ABCB5: variants seen among roughly 807,000 people sequenced by gnomAD.
ABCB5 encodes ATP binding cassette subfamily B member 5, also known as ATP-binding cassette sub-family B member 5.
ABCB5 carries 155 observed loss-of-function variants against 144.2 expected under a neutral mutation model. That is an observed-to-expected ratio of 1.08 (90% confidence interval 0.94 to 1.23). The LOEUF (loss-of-function observed/expected upper bound fraction) is 1.23, where lower values mean the gene tolerates loss of function less well. Among genes scored for constraint, ABCB5 ranks in the 50% most tolerant of loss-of-function variants. ABCB5 has a pLI of 0.00. For missense variants in ABCB5, 1,830 were observed against 1,520.8 expected (o/e 1.20, Z -3.38); for synonymous variants, 610 against 528.6 (o/e 1.15, Z -2.11).
At chr7:20,668,612 G>A (rs1326375238) in intron 14 of ABCB5, among the ~76,000 whole-genome samples, 6 of 134,508 alleles carry the variant, frequency 4.5e-5, no homozygotes, top group African/African-American at 1.4e-4. Flanking sequence ...TCAGCCCCCC[G>A]CCCGGCCAGC....
At chr7:20,717,051 G>A (rs918861811) in intron 20 of ABCB5, among the ~76,000 whole-genome samples, 1 of 152,196 alleles carries the variant, frequency 6.6e-6, no homozygotes, top group Middle Eastern at 3.4e-3. Flanking sequence ...CTTCCCATCT[G>A]GAGCTTGAGA....
chr7:20,673,726 CT>C (rs1299386291), intron 14 of ABCB5, among the ~76,000 whole-genome samples: 1 of 151,924 alleles, frequency 6.6e-6, no homozygotes, highest in Non-Finnish European at 1.5e-5. Flanking sequence ...AAATCTCTGA[CT>C]TTTAATTGGA....
intron 14 of ABCB5, among the ~76,000 whole-genome samples, chr7:20,679,262 G>A: frequency 6.6e-6 from 1 of 152,018 alleles, no homozygotes; most frequent in Non-Finnish European, 1.5e-5. Context: ...GAGATCAGGA[G>A]TTCAAGATCA....
intron 14 of ABCB5, among the ~76,000 whole-genome samples, chr7:20,670,547 C>A (rs1785432257): frequency 6.6e-6 from 1 of 152,178 alleles, no homozygotes; most frequent in Admixed American, 6.5e-5. Context: ...TTATACCATT[C>A]ATAAGGGTGT....
At chr7:20,666,402 G>A (rs753724412) in intron 14 of ABCB5, among the ~76,000 whole-genome samples, 2 of 152,120 alleles carry the variant, frequency 1.3e-5, no homozygotes, top group Admixed American at 6.5e-5. Flanking sequence ...AATGCTTGAG[G>A]CTTTGTATTA....
At chr7:20,683,105 A>G in intron 15 of ABCB5, among the ~76,000 whole-genome samples, 1 of 149,756 alleles carries the variant, frequency 6.7e-6, no homozygotes. Flanking sequence ...TATTTTATAA[A>G]TTAGGAAATT....
At chr7:20,652,249 C>A (rs142516934) in intron 13 of ABCB5, among the ~76,000 whole-genome samples, 3 of 152,218 alleles carry the variant, frequency 2.0e-5, no homozygotes, top group Non-Finnish European at 4.4e-5. Flanking sequence ...TTTTTTAAAG[C>A]ACAGGAAGCT....
chr7:20,696,126 C>A (rs867344164), intron 16 of ABCB5, among the ~76,000 whole-genome samples: 6 of 152,042 alleles, frequency 3.9e-5, no homozygotes, highest in African/African-American at 1.2e-4. Context: ...ATGTTCATAG[C>A]AGTTTTATGT....
rs186798031 is a variant in ABCB5, at chr7:20,616,087, G to T, written c.-22+250G>T. Among the ~76,000 whole-genome samples the T allele has an allele frequency of 3.0e-3, 462 of 152,308 alleles. 11 individuals carry two copies. The highest frequency in any genetic ancestry group is 0.028 in the Admixed American group (425 of 15,302). On this transcript the variant is annotated intron_variant, in intron 1 of 27. Transcript: ENST00000404938. ...GTCTCACTCTGTCACCCAGGCTGGA[G>T]TGCAGTGGCACGATGTTGGCTCACT...
chr7:20,685,750 A>G lies in ABCB5; in HGVS notation c.1924A>G (p.Lys642Glu), dbSNP rs1285232389. 6.2e-7 allele frequency: 1 copy of G among 1,613,536 alleles called. No homozygotes were observed. The highest frequency in any genetic ancestry group is 8.5e-7 in the Non-Finnish European group (1 of 1,179,660). The change falls in exon 16 of 28, where the codon AAG becomes GAG. Residue 642 changes from lysine (K) to glutamate (E), a missense_variant. Transcript: ENST00000404938. Reference protein sequence around the residue: ...MESMTYSTERKTNSLPLHSVK... With the variant: ...MESMTYSTERETNSLPLHSVK... ...GTCAATGACATATTCTACTGAAAGA[A>G]AGACCAACTCACTTCCTCTGCACTC...
At chr7:20,716,822 G>A (rs573009079) in intron 20 of ABCB5, among the ~76,000 whole-genome samples, 2 of 152,224 alleles carry the variant, frequency 1.3e-5, no homozygotes, top group South Asian at 4.1e-4. Flanking sequence ...AAGCAAAGTG[G>A]GTGAGGGCTG....
chr7:20,700,651 T>C (rs959475232), intron 19 of ABCB5, among the ~76,000 whole-genome samples: 3 of 152,222 alleles, frequency 2.0e-5, no homozygotes, highest in African/African-American at 7.2e-5. Flanking sequence ...CTCACGCAGA[T>C]GATCAGTCCC....
intron 14 of ABCB5, among the ~76,000 whole-genome samples, chr7:20,670,144 A>T (rs1215855954): frequency 6.6e-6 from 1 of 152,246 alleles, no homozygotes; most frequent in Non-Finnish European, 1.5e-5. Context: ...AGGCGACATG[A>T]TGACAAAATG....
At position 20,632,121 on chromosome 7, in the gene ABCB5, CA is replaced by C; in HGVS notation, c.314+11del. 1.3e-6 allele frequency: 2 copies of C among 1,495,026 alleles called. No homozygotes were observed. The highest frequency in any genetic ancestry group is 1.3e-5 in the South Asian group (1 of 76,260). 92.6% of individuals were successfully genotyped at this position (1,495,026 alleles called of 1,614,324 possible). On this transcript the variant is annotated intron_variant, in intron 5 of 27. Coordinates refer to ENST00000404938, the MANE Select transcript of ABCB5 (RefSeq NM_001163941.2). The stretch of plus-strand genomic sequence containing the variant: ...GAATGAAGATATGACTCTGTAAGTC[CA>C]AATGAAACGTTAATATCACATTCGT...
At chr7:20,630,176 T>C (rs78815065) in intron 4 of ABCB5, among the ~76,000 whole-genome samples, 4,577 of 152,232 alleles carry the variant, frequency 0.03, 238 homozygotes, top group African/African-American at 0.1. Context: ...AGTAATTTCC[T>C]GATTTTATAT....
intron 13 of ABCB5, among the ~76,000 whole-genome samples, chr7:20,657,705 G>C (rs986143325): frequency 2.6e-5 from 4 of 152,110 alleles, no homozygotes; most frequent in South Asian, 2.1e-4. Flanking sequence ...GGTAACATGG[G>C]TGTACTCATT....
At chr7:20,671,874 T>A (rs1372002318) in intron 14 of ABCB5, among the ~76,000 whole-genome samples, 1 of 152,244 alleles carries the variant, frequency 6.6e-6, no homozygotes, top group Non-Finnish European at 1.5e-5. Flanking sequence ...ATGGTAGGTA[T>A]ACTTTTTACT....
intron 15 of ABCB5, among the ~76,000 whole-genome samples, chr7:20,682,483 A>G (rs1388324108): frequency 6.6e-6 from 1 of 152,202 alleles, no homozygotes; most frequent in Admixed American, 6.5e-5. Flanking sequence ...GGACAAATTC[A>G]GGTAGGCAGA....
chr7:20,704,674 A>G, intron 19 of ABCB5, 50 bp from the exon 20 acceptor site: 1 of 1,486,704 alleles, frequency 6.7e-7, no homozygotes, highest in Non-Finnish European at 9.3e-7. Context: ...CACAAGTCAG[A>G]TAAAAAAAAT....
Sources: gnomAD v4.1 joint callset for allele counts (sites outside exome capture counted in the v4.1 genomes callset) on GRCh38, gnomAD v4.1.1 for gene constraint, MANE v1.5 for transcripts, NCBI Gene and HGNC (gene_info 2026-07-23, HGNC 2026-07-21) for gene names.